Variants in VWC2 observed in about 807,000 individuals in gnomAD.
VWC2 encodes von Willebrand factor C domain containing 2.
VWC2 carries 14 observed loss-of-function variants against 29.8 expected under a neutral mutation model. The observed-to-expected ratio is 0.47, with a 90% CI of 0.31 to 0.74. VWC2 has a LOEUF of 0.74. Among genes scored for constraint, VWC2 ranks in the 30% least tolerant of loss-of-function variants. The pLI is 0.05. For missense variants in VWC2, 457 were observed against 459.8 expected (o/e 0.99, Z 0.05); for synonymous variants, 213 against 199.0 (o/e 1.07, Z -0.59).
chr7:49,863,130 T>C (rs1790726999), intron 3 of VWC2, among the ~76,000 whole-genome samples: 1 of 152,264 alleles, frequency 6.6e-6, no homozygotes, highest in South Asian at 2.1e-4. Flanking sequence ...GGATTACTGA[T>C]TCAATATCTT....
At chr7:49,881,082 C>T (rs1392601751) in intron 3 of VWC2, among the ~76,000 whole-genome samples, 1 of 152,100 alleles carries the variant, frequency 6.6e-6, no homozygotes, top group African/African-American at 2.4e-5. Context: ...CCTATCTTGT[C>T]CTCCATTCCT....
intron 3 of VWC2, among the ~76,000 whole-genome samples, chr7:49,892,740 C>T (rs549738958): frequency 2.6e-4 from 40 of 152,192 alleles, no homozygotes; most frequent in Admixed American, 2.6e-3. Flanking sequence ...GCAAAGGAGA[C>T]AGTGACATTT....
At chr7:49,877,693 G>A (rs1428968112) in intron 3 of VWC2, among the ~76,000 whole-genome samples, 2 of 148,764 alleles carry the variant, frequency 1.3e-5, no homozygotes, top group Non-Finnish European at 3.0e-5. Flanking sequence ...TGGGTGTCAG[G>A]AGCCCTCCCA....
chr7:49,775,409 C>A lies in VWC2; in HGVS notation c.-27C>A. 8 of 1,216,662 alleles carry A rather than the reference C, an allele frequency of 6.6e-6. No individual in the cohort carries two copies. Among genetic ancestry groups the A allele is most frequent in the Admixed American group, 4.0e-5 (1 of 24,922 alleles). 75.4% of individuals were successfully genotyped at this position (1,216,662 alleles called of 1,614,324 possible). A position where few individuals can be genotyped will look rare whatever the true frequency, so the allele number is the denominator to read the frequency against. The stretch of plus-strand genomic sequence containing the variant: ...TCGCCCCTCGGCCGCGCTCCCCGCC[C>A]GCCCGCCCGCCGGGACGTGGTAGGG... On this transcript the variant is annotated 5_prime_UTR_variant, in exon 2 of 4. Coordinates refer to ENST00000340652, the MANE Select transcript of VWC2 (RefSeq NM_198570.5).
chr7:49,916,252 G>A lies in VWC2; in HGVS notation c.*4067G>A, dbSNP rs918052302. On this transcript the variant is annotated 3_prime_UTR_variant, in exon 4 of 4. Coordinates refer to ENST00000340652, the MANE Select transcript of VWC2 (RefSeq NM_198570.5). Reference sequence around the variant, plus strand: ...TCCAAACTCCTCAACATGGAAGACTGGTGTCTTCACAATTAGATCATGGAC... The same window carrying A: ...TCCAAACTCCTCAACATGGAAGACTAGTGTCTTCACAATTAGATCATGGAC... The A allele has an allele frequency of 9.2e-5, 14 of 152,162 alleles. No homozygotes were observed. Among genetic ancestry groups the A allele is most frequent in the African/African-American group, 3.4e-4 (14 of 41,432 alleles). 9.4% of individuals were successfully genotyped at this position (152,162 alleles called of 1,614,324 possible).
rs372946648 is a variant in VWC2 at position 49,789,228 on chromosome 7, AGT to A, written c.696+13103_696+13104del. Reference sequence around the variant, plus strand: ...GGGTGTGTGTGTGTGAGTGTGGGAGAGTGTGTGAAAGAGTGTAGGTGTGGGAG... The same window carrying A: ...GGGTGTGTGTGTGTGAGTGTGGGAGAGTGTGAAAGAGTGTAGGTGTGGGAG... On this transcript the variant is annotated intron_variant, in intron 2 of 3. Transcript: ENST00000340652. 8.9e-4 allele frequency among the ~76,000 whole-genome samples: 112 copies of A among 126,368 alleles called. 1 individual carries two copies. The East Asian group carries it at 0.021, about 23-fold the overall frequency. 82.9% of individuals were successfully genotyped at this position (126,368 alleles called of 152,430 possible).
chr7:49,896,870 T>C (rs1166256643), intron 3 of VWC2, among the ~76,000 whole-genome samples: 1 of 148,150 alleles, frequency 6.7e-6, no homozygotes, highest in Non-Finnish European at 1.5e-5. Flanking sequence ...ATTAAGAAAA[T>C]TGGATTGATA....
At chr7:49,873,336 A>G (rs749165704) in intron 3 of VWC2, among the ~76,000 whole-genome samples, 1 of 152,116 alleles carries the variant, frequency 6.6e-6, no homozygotes, top group South Asian at 2.1e-4. Context: ...CCTTCTCCCT[A>G]TGTCCACCTT....
chr7:49,797,784 T>C (rs573706272), intron 2 of VWC2, among the ~76,000 whole-genome samples: 1 of 152,308 alleles, frequency 6.6e-6, no homozygotes, highest in South Asian at 2.1e-4. Context: ...CAACAAATTT[T>C]TCCCTACTCC....
chr7:49,877,312 A>G (rs1791452389), intron 3 of VWC2, among the ~76,000 whole-genome samples: 1 of 150,032 alleles, frequency 6.7e-6, no homozygotes. Flanking sequence ...AAATACAAAA[A>G]TTAGCTGGGC....
intron 3 of VWC2, among the ~76,000 whole-genome samples, chr7:49,841,626 G>A (rs186826258): frequency 5.3e-5 from 8 of 152,320 alleles, no homozygotes; most frequent in Non-Finnish European, 4.4e-5. Flanking sequence ...CTTCCGGGAG[G>A]ACAGAGGTTC....
chr7:49,842,981 A>G (rs1228644024), intron 3 of VWC2, among the ~76,000 whole-genome samples: 3 of 152,150 alleles, frequency 2.0e-5, no homozygotes, highest in African/African-American at 7.2e-5. Flanking sequence ...GGTTTGGGGT[A>G]CAAGTGATCT....
intron 2 of VWC2, among the ~76,000 whole-genome samples, chr7:49,776,646 G>C (rs542929713): frequency 1.4e-4 from 21 of 152,160 alleles, no homozygotes; most frequent in Admixed American, 4.6e-4. Flanking sequence ...TTGCTCACTG[G>C]GTGCCAAATC....
At chr7:49,839,779 G>T (rs2128713171) in intron 3 of VWC2, among the ~76,000 whole-genome samples, 1 of 152,268 alleles carries the variant, frequency 6.6e-6, no homozygotes, top group African/African-American at 2.4e-5. Flanking sequence ...TTCACAAACG[G>T]GGCCTTTGAC....
intron 3 of VWC2, among the ~76,000 whole-genome samples, chr7:49,893,566 A>G (rs997304485): frequency 2.0e-5 from 3 of 152,120 alleles, no homozygotes; most frequent in Admixed American, 6.5e-5. Context: ...GAACAAATAA[A>G]TGTGCACAAA....
At chr7:49,818,725 T>A (rs201602832) in intron 3 of VWC2, among the ~76,000 whole-genome samples, 5 of 151,090 alleles carry the variant, frequency 3.3e-5, no homozygotes, top group African/African-American at 1.2e-4. Context: ...AAGATAAAAA[T>A]ATATATATAT....
intron 2 of VWC2, among the ~76,000 whole-genome samples, chr7:49,786,061 T>C (rs780992948): frequency 3.9e-5 from 6 of 152,156 alleles, no homozygotes; most frequent in Admixed American, 6.5e-5. Context: ...TGCTGAGGTT[T>C]GGGATAAGAA....
chr7:49,803,434 C>T (rs537953167), intron 3 of VWC2, among the ~76,000 whole-genome samples: 7 of 152,276 alleles, frequency 4.6e-5, no homozygotes, highest in African/African-American at 9.6e-5. Flanking sequence ...CACTATAAGA[C>T]GGTTTTTGAC....
In VWC2 at chr7:49,915,750, G is replaced by A. The variant is rs985736104; in HGVS notation, c.*3565G>A. 5.9e-5 allele frequency: 9 copies of A among 152,074 alleles called. No homozygotes were observed. The highest frequency in any genetic ancestry group is 5.2e-4 in the Admixed American group (8 of 15,266). 9.4% of individuals were successfully genotyped at this position (152,074 alleles called of 1,614,324 possible). On this transcript the variant is annotated 3_prime_UTR_variant, in exon 4 of 4. Coordinates refer to ENST00000340652, the MANE Select transcript of VWC2 (RefSeq NM_198570.5). ...ACAATTTGCTAAATTTGCTTCAATGGGCAAGAGATCAATCCTACTTTTCAT... is the reference window on the plus strand; with the variant it reads ...ACAATTTGCTAAATTTGCTTCAATGAGCAAGAGATCAATCCTACTTTTCAT...
Sources: allele counts gnomAD v4.1 joint callset (sites outside exome capture counted in the v4.1 genomes callset), GRCh38; gene constraint gnomAD v4.1.1; transcripts MANE v1.5; gene names NCBI Gene and HGNC (gene_info 2026-07-23, HGNC 2026-07-21).